LOXHD1: variants seen among roughly 807,000 people sequenced by gnomAD.
The protein encoded by LOXHD1 is lipoxygenase homology PLAT domains 1, also known as lipoxygenase homology domain-containing protein 1.
LOXHD1 carries 205 observed loss-of-function variants against 248.2 expected under a neutral mutation model. That is an observed-to-expected ratio of 0.83 (90% confidence interval 0.74 to 0.93). The LOEUF (loss-of-function observed/expected upper bound fraction) is 0.93. Among genes scored for constraint, LOXHD1 ranks in the 40% least tolerant of loss-of-function variants. The probability of loss-of-function intolerance (pLI) is 0.00; values close to 1 mark genes in which losing one functional copy is unlikely to be tolerated. For missense variants in LOXHD1, 2,930 were observed against 2,971.6 expected (o/e 0.99, Z 0.33); for synonymous variants, 1,113 against 1,162.8 (o/e 0.96, Z 0.87).
intron 2 of LOXHD1, among the ~76,000 whole-genome samples, chr18:46,647,385 T>A (rs956109888): frequency 1.3e-5 from 2 of 152,024 alleles, no homozygotes; most frequent in Admixed American, 6.6e-5. Context: ...AGGGGAAGAA[T>A]CTGAGGATGC....
intron 27 of LOXHD1, 101 bp downstream of exon 27, chr18:46,534,234 A>G (rs926927520): frequency 8.0e-6 from 6 of 753,296 alleles, no homozygotes; most frequent in Non-Finnish European, 1.3e-5. Context: ...TTTTATCTCA[A>G]TAAGGCTGAT....
In LOXHD1 at chr18:46,618,216, T is replaced by C; in HGVS notation, c.586A>G (p.Ile196Val). Residue 196 changes from isoleucine (I) to valine (V), a missense_variant, in exon 5 of 41, where the codon ATT becomes GTT. By Grantham distance (29) the Ile-to-Val change is conservative. Transcript: ENST00000642948. Reference sequence around the variant, plus strand: ...CCTGTGTCTCCATACTCTCCAAAAATATTGATGAAGACATCAGCATCTGTC... The same window carrying C: ...CCTGTGTCTCCATACTCTCCAAAAACATTGATGAAGACATCAGCATCTGTC... ...AGTDADVFIN[I>V]FGEYGDTGER... 1 of 1,551,322 alleles carries C rather than the reference T, an allele frequency of 6.4e-7. No individual in the cohort carries two copies. Among genetic ancestry groups the C allele is most frequent in the Non-Finnish European group, 8.7e-7 (1 of 1,146,700 alleles).
At chr18:46,565,069 G>T (rs1431772447) in intron 17 of LOXHD1, among the ~76,000 whole-genome samples, 2 of 152,104 alleles carry the variant, frequency 1.3e-5, no homozygotes, top group Non-Finnish European at 2.9e-5. Flanking sequence ...TTGGAGACCA[G>T]CCTGGCCAAC....
intron 21 of LOXHD1, among the ~76,000 whole-genome samples, chr18:46,553,627 G>T (rs894480546): frequency 1.3e-5 from 2 of 152,210 alleles, no homozygotes; most frequent in Non-Finnish European, 2.9e-5. Context: ...CTACGTGCTG[G>T]GGTGGACACA....
chr18:46,575,220 T>G (rs2037831425), intron 14 of LOXHD1, among the ~76,000 whole-genome samples: 1 of 150,782 alleles, frequency 6.6e-6, no homozygotes, highest in East Asian at 2.0e-4. Flanking sequence ...GGCAAAAGCC[T>G]GGGGCTTTCA....
intron 13 of LOXHD1, 126 bp downstream of exon 13, chr18:46,579,504 G>C: frequency 4.7e-6 from 6 of 1,285,658 alleles, no homozygotes; most frequent in Non-Finnish European, 6.5e-6. Flanking sequence ...TACCCAGAGT[G>C]AGGCTCCTGA....
intron 7 of LOXHD1, among the ~76,000 whole-genome samples, chr18:46,602,453 C>T (rs1168877713): frequency 6.6e-6 from 1 of 152,084 alleles, no homozygotes; most frequent in South Asian, 2.1e-4. Flanking sequence ...TGATCCACCC[C>T]CCTCAGACTC....
intron 39 of LOXHD1, 67 bp downstream of exon 39, chr18:46,484,952 G>A: frequency 6.6e-7 from 1 of 1,526,004 alleles, no homozygotes; most frequent in African/African-American, 1.4e-5. Flanking sequence ...CACCCAAGAG[G>A]GAGATTCTCG....
intron 8 of LOXHD1, among the ~76,000 whole-genome samples, chr18:46,599,725 A>T (rs1222746179): frequency 6.6e-6 from 1 of 152,156 alleles, no homozygotes; most frequent in African/African-American, 2.4e-5. Flanking sequence ...AAATCCAAAG[A>T]TAGATTGGTC....
intron 4 of LOXHD1, among the ~76,000 whole-genome samples, chr18:46,638,410 T>C (rs1036606553): frequency 6.6e-6 from 1 of 152,172 alleles, no homozygotes; most frequent in Non-Finnish European, 1.5e-5. Context: ...GGTGGGTGGA[T>C]CACCTGAGGT....
chr18:46,652,361 A>G (rs1477515040), intron 1 of LOXHD1, among the ~76,000 whole-genome samples: 13 of 152,242 alleles, frequency 8.5e-5, no homozygotes, highest in Non-Finnish European at 1.5e-5. Flanking sequence ...GTATTTTATT[A>G]TAAATAAATT....
chr18:46,490,475 AC>A (rs2033386314), intron 37 of LOXHD1, among the ~76,000 whole-genome samples: 1 of 152,208 alleles, frequency 6.6e-6, no homozygotes, highest in Non-Finnish European at 1.5e-5. Flanking sequence ...CAGTGAAGTT[AC>A]TTATTTATTT....
At chr18:46,633,367 A>G (rs1385208625) in intron 4 of LOXHD1, among the ~76,000 whole-genome samples, 1 of 152,224 alleles carries the variant, frequency 6.6e-6, no homozygotes, top group East Asian at 1.9e-4. Context: ...AAACTGTTCA[A>G]TAAGGAAGGG....
At position 46,531,651 on chromosome 18, in the gene LOXHD1, G is replaced by A. The variant is rs1013404706; in HGVS notation, c.4375+1511C>T. On this transcript the variant is annotated intron_variant, in intron 28 of 40. Coordinates refer to ENST00000642948, the MANE Select transcript of LOXHD1 (RefSeq NM_001384474.1). ...TCTGAATGCTGAGCAATGCAGTAGT[G>A]CAGTCAGAGCCAGCTATTTCTGGAT... 8.5e-5 allele frequency among the ~76,000 whole-genome samples: 13 copies of A among 152,230 alleles called. 1 individual carries two copies. Among genetic ancestry groups the A allele is most frequent in the African/African-American group, 3.1e-4 (13 of 41,446 alleles).
chr18:46,605,913 A>G (rs2038406130), intron 6 of LOXHD1, among the ~76,000 whole-genome samples: 1 of 152,166 alleles, frequency 6.6e-6, no homozygotes, highest in African/African-American at 2.4e-5. Context: ...ACACCAACTT[A>G]AGACCTTGCA....
At chr18:46,608,310 C>T (rs185949731) in intron 6 of LOXHD1, among the ~76,000 whole-genome samples, 3 of 152,310 alleles carry the variant, frequency 2.0e-5, no homozygotes, top group East Asian at 1.9e-4. Context: ...AGATTTCACA[C>T]CTTGCCAAGC....
chr18:46,620,164 C>T (rs2038648111), intron 4 of LOXHD1, among the ~76,000 whole-genome samples: 1 of 152,204 alleles, frequency 6.6e-6, no homozygotes, highest in South Asian at 2.1e-4. Flanking sequence ...TCTGCTTTTA[C>T]CATCTTCCAT....
chr18:46,605,261 C>T (rs903417487), intron 6 of LOXHD1, among the ~76,000 whole-genome samples: 3 of 152,314 alleles, frequency 2.0e-5, no homozygotes, highest in Admixed American at 2.0e-4. Context: ...GGCGTGGTGG[C>T]TCACACCGTA....
At chr18:46,492,207 A>G (rs1057055462) in intron 37 of LOXHD1, among the ~76,000 whole-genome samples, 8 of 152,270 alleles carry the variant, frequency 5.3e-5, no homozygotes, top group Admixed American at 2.0e-4. Flanking sequence ...TCACAGGTAC[A>G]GCATGGCTAA....
Sources: allele counts gnomAD v4.1 joint callset (sites outside exome capture counted in the v4.1 genomes callset), GRCh38; gene constraint gnomAD v4.1.1; transcripts MANE v1.5; gene names NCBI Gene and HGNC (gene_info 2026-07-23, HGNC 2026-07-21).